The following FBXO31 variants were observed in gnomAD, a reference collection of about 807,000 sequenced individuals.
FBXO31 encodes the protein F-box protein 31, also known as F-box only protein 31.
A neutral mutation model predicts 54.4 loss-of-function variants in FBXO31; 24 were observed. The observed-to-expected ratio is 0.44, with a 90% CI of 0.32 to 0.62. The LOEUF is 0.62. FBXO31 is among the 20% of genes least tolerant of loss of function. FBXO31 has a pLI of 0.05. For missense variants in FBXO31, 665 were observed against 787.1 expected, an observed-to-expected ratio of 0.84 and a Z score of 1.86; for synonymous variants, 388 against 335.6, an observed-to-expected ratio of 1.16 and a Z score of -1.71.
intron 1 of FBXO31, among the ~76,000 whole-genome samples, chr16:87,382,777 C>T (rs188020514): frequency 6.6e-6 from 1 of 152,262 alleles, no homozygotes; most frequent in Non-Finnish European, 1.5e-5. Context: ...GGATTACAGG[C>T]GCCCGCTACC....
At chr16:87,350,280 T>A (rs1368964723) in intron 2 of FBXO31, among the ~76,000 whole-genome samples, 2 of 152,042 alleles carry the variant, frequency 1.3e-5, no homozygotes, top group Non-Finnish European at 2.9e-5. Flanking sequence ...AGTAAGAAAC[T>A]TCTCAAGCCT....
intron 2 of FBXO31, among the ~76,000 whole-genome samples, chr16:87,352,427 C>T (rs1177023644): frequency 1.3e-5 from 2 of 151,900 alleles, no homozygotes; most frequent in East Asian, 3.9e-4. Flanking sequence ...AGATTTTAAC[C>T]CTTATTAAAA....
chr16:87,371,268 G>A (rs992695901), intron 1 of FBXO31, among the ~76,000 whole-genome samples: 1 of 152,214 alleles, frequency 6.6e-6, no homozygotes, highest in Non-Finnish European at 1.5e-5. Context: ...ATGTGGACAG[G>A]AGACTTGAGA....
At chr16:87,348,012 G>C (rs538564108) in intron 2 of FBXO31, among the ~76,000 whole-genome samples, 11 of 152,186 alleles carry the variant, frequency 7.2e-5, no homozygotes, top group African/African-American at 2.4e-5. Flanking sequence ...GTCAGGCTGG[G>C]CCATCTCACT....
chr16:87,375,191 A>G (rs1439445892), intron 1 of FBXO31, among the ~76,000 whole-genome samples: 4 of 152,154 alleles, frequency 2.6e-5, no homozygotes, highest in Non-Finnish European at 5.9e-5. Flanking sequence ...CTGTAGTCCC[A>G]CCTACTTGGA....
At chr16:87,367,853 T>A (rs1438260744) in intron 1 of FBXO31, 1 of 152,258 alleles carries the variant, frequency 6.6e-6, no homozygotes, top group Non-Finnish European at 1.5e-5. Context: ...AAGCCATCAA[T>A]ACTGTTCCTG....
rs1907170436 is a variant in FBXO31 at position 87,383,366 on chromosome 16, C to A, written c.340+39G>T. On this transcript the variant is annotated intron_variant, in intron 1 of 8. Transcript: ENST00000311635. The surrounding 1 kb of genome is among the most constrained non-coding windows in gnomAD (Gnocchi z 4.9). ...TCCGAGGCCTCCACCTGGCAGGGAC[C>A]CCCCGCCCCTCCCGGCCCCGCCACC... The A allele has an allele frequency of 1.4e-6, 2 of 1,422,860 alleles. No homozygotes were observed. The highest frequency in any genetic ancestry group is 1.3e-5 in the South Asian group (1 of 79,972). The allele number at this position is 1,422,860 out of a possible 1,614,324, so 88.1% of individuals were successfully genotyped here.
chr16:87,386,484 G>A (rs1907332377), upstream of FBXO31, among the ~76,000 whole-genome samples: 1 of 152,200 alleles, frequency 6.6e-6, no homozygotes, highest in African/African-American at 2.4e-5. Flanking sequence ...CCAGGCTGGA[G>A]TGCAGTGGCA....
chr16:87,363,273 G>A (rs1161499302), intron 1 of FBXO31, among the ~76,000 whole-genome samples: 17 of 152,124 alleles, frequency 1.1e-4, no homozygotes, highest in African/African-American at 3.9e-4. Context: ...AATCCCAGCT[G>A]CTAGGGAGGC....
At chr16:87,350,130 G>A (rs192348282) in intron 2 of FBXO31, among the ~76,000 whole-genome samples, 104 of 152,192 alleles carry the variant, frequency 6.8e-4, no homozygotes, top group Non-Finnish European at 1.1e-3. Context: ...TCGGGGCTCT[G>A]CAGGCAGTGG....
At chr16:87,337,876 C>T (rs1479546100) in intron 5 of FBXO31, among the ~76,000 whole-genome samples, 1 of 151,390 alleles carries the variant, frequency 6.6e-6, no homozygotes, top group Non-Finnish European at 1.5e-5. Context: ...TTTTAGGACT[C>T]AATTTTTAGG....
At position 87,336,590 on chromosome 16, in the gene FBXO31, T is replaced by C. The variant is rs1905052229; in HGVS notation, c.733-326A>G. 6.6e-6 allele frequency among the ~76,000 whole-genome samples: 1 copy of C among 152,044 alleles called. No homozygotes were observed. Among genetic ancestry groups the C allele is most frequent in the Middle Eastern group, 3.2e-3 (1 of 316 alleles). ...GAACTCAGGGTGGGCCTCCCTTCCA[T>C]GCCCACCGGTGGGGCAGGAACAGCA... On this transcript the variant is annotated intron_variant, in intron 5 of 8. Coordinates refer to ENST00000311635, the MANE Select transcript of FBXO31 (RefSeq NM_024735.5). The surrounding 1 kb of genome is among the most constrained non-coding windows in gnomAD (Gnocchi z 6.5).
At chr16:87,348,082 C>A (rs924548882) in intron 2 of FBXO31, among the ~76,000 whole-genome samples, 1 of 152,172 alleles carries the variant, frequency 6.6e-6, no homozygotes, top group Non-Finnish European at 1.5e-5. Context: ...GGCCTTCACC[C>A]CATGGGGTAT....
At chr16:87,369,998 C>T (rs1250556155) in intron 1 of FBXO31, among the ~76,000 whole-genome samples, 1 of 152,188 alleles carries the variant, frequency 6.6e-6, no homozygotes, top group African/African-American at 2.4e-5. Context: ...GGGCCACCAA[C>T]CTCTGCACAC....
At chr16:87,356,304 G>T (rs1038193904) in intron 2 of FBXO31, among the ~76,000 whole-genome samples, 20 of 151,952 alleles carry the variant, frequency 1.3e-4, no homozygotes, top group Non-Finnish European at 2.9e-4. Context: ...AGAGACTGTT[G>T]TCAACGCTCA....
In FBXO31 at chr16:87,338,306, T is replaced by C. The variant is rs1315157851; in HGVS notation, c.733-2042A>G. Among the ~76,000 whole-genome samples the C allele has an allele frequency of 1.3e-5, 2 of 151,182 alleles. No individual in the cohort carries two copies. The highest frequency in any genetic ancestry group is 4.9e-5 in the African/African-American group (2 of 41,140). On this transcript the variant is annotated intron_variant, in intron 5 of 8. Coordinates refer to ENST00000311635, the MANE Select transcript of FBXO31 (RefSeq NM_024735.5). The surrounding 1 kb of genome is among the most constrained non-coding windows in gnomAD (Gnocchi z 4.3). ...AACTTCACGTTGACCCAGGGCCTGC[T>C]CACTCAACACATTGTACTCGCGACC...
In FBXO31 at chr16:87,377,172, C is replaced by T. The variant is rs544552876; in HGVS notation, c.340+6233G>A. Among the ~76,000 whole-genome samples, 9 of 152,308 alleles carry T rather than the reference C, an allele frequency of 5.9e-5. No homozygotes were observed. The East Asian group carries it at 7.7e-4, about 13-fold the overall frequency. On this transcript the variant is annotated intron_variant, in intron 1 of 8. Coordinates refer to ENST00000311635, the MANE Select transcript of FBXO31 (RefSeq NM_024735.5). ...AAAGTTGGAAATTTTAGGCTGGGGA[C>T]GGTGGCTCACGCCAGTAATCCTAGC...
At chr16:87,351,593 G>A (rs544921849) in intron 2 of FBXO31, among the ~76,000 whole-genome samples, 16 of 152,240 alleles carry the variant, frequency 1.1e-4, no homozygotes, top group Non-Finnish European at 1.8e-4. Context: ...GGCTGGGTGC[G>A]GTGGCTCACT....
chr16:87,334,351 T>A, intron 7 of FBXO31, 65 bp from the exon 8 acceptor site: 1 of 1,447,620 alleles, frequency 6.9e-7, no homozygotes, highest in Non-Finnish European at 9.3e-7. Context: ...CTGTGTGGGC[T>A]CCAGCCCAGA....
Sources: gnomAD v4.1 joint callset for allele counts (sites outside exome capture counted in the v4.1 genomes callset) on GRCh38, gnomAD v4.1.1 for gene constraint, Gnocchi (gnomAD v3.1) non-coding constraint, MANE v1.5 for transcripts, NCBI Gene and HGNC (gene_info 2026-07-23, HGNC 2026-07-21) for gene names.